The following DLG2 variants were observed in gnomAD, a reference collection of about 807,000 sequenced individuals.
DLG2 encodes the protein discs large MAGUK scaffold protein 2.
A neutral mutation model predicts 132.5 loss-of-function variants in DLG2; 45 were observed. The observed-to-expected ratio is 0.34, with a 90% CI of 0.27 to 0.44. The LOEUF (loss-of-function observed/expected upper bound fraction) is 0.44. Ranked by LOEUF, DLG2 falls within the 20% of genes least tolerant of loss-of-function variation. The pLI, the probability that DLG2 is intolerant of heterozygous loss-of-function variation, is 1.00. For missense variants in DLG2, 1,045 were observed against 1,196.9 expected (o/e 0.87, Z 1.87); for synonymous variants, 424 against 419.6 (o/e 1.01, Z -0.13).
At chr11:83,573,923 C>G (rs1428080327) in intron 19 of DLG2, among the ~76,000 whole-genome samples, 3 of 152,156 alleles carry the variant, frequency 2.0e-5, no homozygotes, top group Non-Finnish European at 4.4e-5. Flanking sequence ...GGATTGAATT[C>G]TAGCTTTCTT....
intron 3 of DLG2, among the ~76,000 whole-genome samples, chr11:85,535,806 TA>T (rs1200348191): frequency 4.6e-5 from 7 of 152,146 alleles, no homozygotes; most frequent in African/African-American, 1.7e-4. Context: ...TATCCAGTCA[TA>T]AAAAAGAATT....
At chr11:84,589,531 A>G (rs1197171323) in intron 6 of DLG2, among the ~76,000 whole-genome samples, 1 of 152,180 alleles carries the variant, frequency 6.6e-6, no homozygotes, top group Non-Finnish European at 1.5e-5. Context: ...TTATAACTAG[A>G]AGTCTAGAAT....
intron 3 of DLG2, among the ~76,000 whole-genome samples, chr11:85,537,336 G>A (rs758121412): frequency 4.6e-5 from 7 of 152,190 alleles, no homozygotes; most frequent in Non-Finnish European, 8.8e-5. Flanking sequence ...CACTTTCCAG[G>A]CTGTGGAACC....
At chr11:84,067,382 T>C (rs111922613) in intron 10 of DLG2, among the ~76,000 whole-genome samples, 3 of 152,246 alleles carry the variant, frequency 2.0e-5, no homozygotes, top group Admixed American at 6.5e-5. Flanking sequence ...TCAAAAGGAA[T>C]AATTCCACAC....
intron 14 of DLG2, among the ~76,000 whole-genome samples, chr11:83,943,748 C>G (rs1471685): frequency 6.6e-6 from 1 of 152,128 alleles, no homozygotes; most frequent in Non-Finnish European, 1.5e-5. Context: ...TCTATTCACT[C>G]AACATATTTA....
At chr11:84,961,952 C>G (rs557088587) in intron 6 of DLG2, among the ~76,000 whole-genome samples, 17 of 152,204 alleles carry the variant, frequency 1.1e-4, no homozygotes, top group Non-Finnish European at 2.5e-4. Context: ...CCCACTCCCA[C>G]TGCCATCTCT....
chr11:83,982,495 A>AG (rs1160041745), intron 11 of DLG2, among the ~76,000 whole-genome samples: 1 of 151,532 alleles, frequency 6.6e-6, no homozygotes, highest in African/African-American at 2.4e-5. Context: ...AAAAAAAAAA[A>AG]AAAAGAAAAG....
At chr11:84,379,776 T>C (rs2098742785) in intron 7 of DLG2, among the ~76,000 whole-genome samples, 1 of 149,088 alleles carries the variant, frequency 6.7e-6, no homozygotes, top group South Asian at 2.1e-4. Flanking sequence ...AAAAGAGGTA[T>C]TACTAAAAAA....
chr11:83,559,023 G>A (rs2096567348), intron 19 of DLG2, among the ~76,000 whole-genome samples: 1 of 152,118 alleles, frequency 6.6e-6, no homozygotes, highest in African/African-American at 2.4e-5. Context: ...TGAATAAATT[G>A]AAGAAGAAGT....
At chr11:84,251,760 C>A (rs949328524) in intron 7 of DLG2, among the ~76,000 whole-genome samples, 6 of 151,182 alleles carry the variant, frequency 4.0e-5, no homozygotes, top group African/African-American at 9.7e-5. Context: ...CCTGCCTCAG[C>A]CTCCCAAGTA....
rs371397085 is a variant in DLG2, at chr11:84,021,994, G to A, written c.919+37321C>T. The stretch of plus-strand genomic sequence containing the variant: ...ACTCCCAACCTCAGATGATCTGCCC[G>A]CCTCGGCTTCCCAAAGTGCTGGGAT... On this transcript the variant is annotated intron_variant, in intron 11 of 27. Transcript: ENST00000376104. Among the ~76,000 whole-genome samples, 10 of 152,044 alleles carry A rather than the reference G, an allele frequency of 6.6e-5. 1 individual carries two copies. Among genetic ancestry groups the A allele is most frequent in the Admixed American group, 3.9e-4 (6 of 15,260 alleles).
intron 22 of DLG2, among the ~76,000 whole-genome samples, chr11:83,481,008 A>T (rs1035302975): frequency 1.3e-5 from 2 of 152,120 alleles, no homozygotes; most frequent in African/African-American, 4.8e-5. Context: ...ATCTTTGAGG[A>T]AGATGTGAGT....
chr11:83,754,007 C>T (rs980098756), intron 18 of DLG2, among the ~76,000 whole-genome samples: 1 of 148,416 alleles, frequency 6.7e-6, no homozygotes, highest in East Asian at 1.9e-4. Flanking sequence ...ACAATTCAAC[C>T]AAATCCTGCC....
At chr11:84,215,053 A>G (rs1473432143) in intron 8 of DLG2, among the ~76,000 whole-genome samples, 1 of 152,206 alleles carries the variant, frequency 6.6e-6, no homozygotes, top group African/African-American at 2.4e-5. Flanking sequence ...TTCAAGGTGA[A>G]CTTCAAAAGA....
At chr11:84,162,550 A>G (rs2095570592) in intron 9 of DLG2, among the ~76,000 whole-genome samples, 1 of 152,016 alleles carries the variant, frequency 6.6e-6, no homozygotes, top group African/African-American at 2.4e-5. Flanking sequence ...TTCAATCTTC[A>G]CTATTATAAA....
intron 4 of DLG2, among the ~76,000 whole-genome samples, chr11:85,252,100 A>G (rs570919078): frequency 8.5e-5 from 13 of 152,342 alleles, no homozygotes; most frequent in African/African-American, 2.9e-4. Context: ...AATAAAAGGC[A>G]TAAACTGAAA....
chr11:84,543,175 C>A (rs2099381985), intron 6 of DLG2, among the ~76,000 whole-genome samples: 1 of 152,138 alleles, frequency 6.6e-6, no homozygotes, highest in Admixed American at 6.5e-5. Flanking sequence ...TGAATGATAT[C>A]CTGACTGGAG....
At chr11:85,576,949 A>G (rs544937739) in intron 3 of DLG2, among the ~76,000 whole-genome samples, 5 of 152,292 alleles carry the variant, frequency 3.3e-5, no homozygotes, top group African/African-American at 1.2e-4. Context: ...CAGAGGAGAC[A>G]GCATGTACAA....
intron 6 of DLG2, among the ~76,000 whole-genome samples, chr11:84,858,323 T>TA (rs796575384): frequency 1.2e-4 from 18 of 149,380 alleles, no homozygotes; most frequent in Middle Eastern, 3.4e-3. Flanking sequence ...AGTCTGATTT[T>TA]AAAAAAAAAA....
Sources: allele counts gnomAD v4.1 joint callset (sites outside exome capture counted in the v4.1 genomes callset), GRCh38; gene constraint gnomAD v4.1.1; transcripts MANE v1.5; gene names NCBI Gene and HGNC (gene_info 2026-07-23, HGNC 2026-07-21).